Variants in TXLNB observed in about 807,000 individuals in gnomAD.
TXLNB encodes the protein taxilin beta.
A neutral mutation model predicts 57.4 loss-of-function variants in TXLNB; 37 were observed. That is an observed-to-expected ratio of 0.64 (90% CI 0.50 to 0.85). TXLNB has a LOEUF of 0.85. Among genes scored for constraint, TXLNB ranks in the 40% least tolerant of loss-of-function variants. The pLI is 0.00. For missense variants in TXLNB, 848 were observed against 825.6 expected, an observed-to-expected ratio of 1.03 and a Z score of -0.33; for synonymous variants, 302 against 309.6, an observed-to-expected ratio of 0.98 and a Z score of 0.26.
intron 6 of TXLNB, among the ~76,000 whole-genome samples, chr6:139,258,935 T>C (rs1230276498): frequency 7.9e-5 from 12 of 152,308 alleles, no homozygotes; most frequent in Non-Finnish European, 2.9e-5. Flanking sequence ...TACAGCTTTT[T>C]GGGGAGTGCT....
the TXLNB span, chr6:139,166,693 C>T: frequency 1.2e-6 from 2 of 1,612,850 alleles, no homozygotes; most frequent in East Asian, 2.2e-5. Context: ...AGTGCAGGCC[C>T]CCAAATAAGC....
chr6:139,281,769 C>T (rs1325296457), intron 2 of TXLNB, among the ~76,000 whole-genome samples: 2 of 113,188 alleles, frequency 1.8e-5, no homozygotes, highest in South Asian at 2.7e-4. Context: ...AGGATGGTCT[C>T]GATCTCCTGA....
intron 9 of TXLNB, among the ~76,000 whole-genome samples, chr6:139,243,999 C>A (rs905788633): frequency 2.0e-5 from 3 of 148,570 alleles, no homozygotes; most frequent in Non-Finnish European, 4.5e-5. Context: ...TTTTTTCCCC[C>A]ACTCGTTATA....
chr6:139,209,458 A>G, the TXLNB span, among the ~76,000 whole-genome samples: 1 of 152,194 alleles, frequency 6.6e-6, no homozygotes, highest in Admixed American at 6.5e-5. Context: ...TAAAATTCAT[A>G]TGGAACCAAA....
chr6:139,302,711 A>G, the TXLNB span, among the ~76,000 whole-genome samples: 1 of 151,880 alleles, frequency 6.6e-6, no homozygotes. Context: ...TGAACCCGGG[A>G]AGGAGGAGGT....
chr6:139,223,408 A>T, the TXLNB span, among the ~76,000 whole-genome samples: 4 of 152,160 alleles, frequency 2.6e-5, no homozygotes, highest in African/African-American at 9.6e-5. Flanking sequence ...ACAACAAATT[A>T]AGTATGAAGA....
chr6:139,192,370 T>A, the TXLNB span, among the ~76,000 whole-genome samples: 2 of 152,238 alleles, frequency 1.3e-5, no homozygotes, highest in Non-Finnish European at 2.9e-5. Context: ...CCACACTATT[T>A]AAATTGCAAC....
the TXLNB span, among the ~76,000 whole-genome samples, chr6:139,297,745 T>G: frequency 6.6e-6 from 1 of 152,218 alleles, no homozygotes; most frequent in Non-Finnish European, 1.5e-5. Flanking sequence ...ATTCCAATAA[T>G]TATGTGTTTA....
At chr6:139,179,080 C>CA in the TXLNB span, 1 of 152,146 alleles carries the variant, frequency 6.6e-6, no homozygotes, top group Non-Finnish European at 1.5e-5. Flanking sequence ...ATTGAACTGA[C>CA]AGTGTTTGAT....
rs548613567 is a variant in TXLNB at position 139,240,616 on chromosome 6, C to T, written c.*1910G>A. On this transcript the variant is annotated 3_prime_UTR_variant, in exon 10 of 10. Coordinates refer to ENST00000358430, the MANE Select transcript of TXLNB (RefSeq NM_153235.4). ...CTCTGAATCAAATGAATGTTTAAAT[C>T]TCTAAGACTTGCAGTAATGTTGAAT... The T allele has an allele frequency of 6.5e-6, 1 of 152,674 alleles. No homozygotes were observed. Among genetic ancestry groups the T allele is most frequent in the African/African-American group, 2.4e-5 (1 of 41,572 alleles). 9.5% of individuals were successfully genotyped at this position (152,674 alleles called of 1,614,324 possible).
chr6:139,276,829 C>G lies in TXLNB; in HGVS notation c.516+1G>C, dbSNP rs762142081. The G allele has an allele frequency of 3.7e-6, 6 of 1,604,656 alleles. No individual in the cohort carries two copies. Among genetic ancestry groups the G allele is most frequent in the Non-Finnish European group, 5.1e-6 (6 of 1,176,232 alleles). The stretch of plus-strand genomic sequence containing the variant: ...GAAAAGAAGCTAATCCAAGATCTTA[C>G]CAATTCAGCATACTTCTTGAATAAA... On this transcript the variant is annotated splice_donor_variant, in intron 3 of 9. Transcript: ENST00000358430. LOFTEE classifies it high-confidence loss of function.
the TXLNB span, among the ~76,000 whole-genome samples, chr6:139,164,080 A>ACACT: frequency 2.0e-4 from 30 of 148,174 alleles, no homozygotes; most frequent in South Asian, 4.3e-4. Context: ...ACACACACAC[A>ACACT]CTCTCTCTCT....
chr6:139,211,939 A>C, the TXLNB span, among the ~76,000 whole-genome samples: 9 of 152,318 alleles, frequency 5.9e-5, no homozygotes, highest in African/African-American at 2.2e-4. Flanking sequence ...AAAAAGAATA[A>C]AAAGAAATGA....
the TXLNB span, among the ~76,000 whole-genome samples, chr6:139,192,322 A>G: frequency 6.6e-6 from 1 of 152,216 alleles, no homozygotes; most frequent in Non-Finnish European, 1.5e-5. Context: ...CTTTAAAGCT[A>G]TTAATCAAAT....
At chr6:139,264,096 T>A (rs1487822216) in intron 4 of TXLNB, among the ~76,000 whole-genome samples, 2 of 152,226 alleles carry the variant, frequency 1.3e-5, no homozygotes, top group East Asian at 3.8e-4. Context: ...TATAAACCTT[T>A]ATTAAGCAAC....
At chr6:139,297,884 G>A in the TXLNB span, among the ~76,000 whole-genome samples, 2 of 152,138 alleles carry the variant, frequency 1.3e-5, no homozygotes, top group African/African-American at 4.8e-5. Flanking sequence ...TCTTGACCTA[G>A]GCTAGATCTG....
chr6:139,166,971 C>T, the TXLNB span: 1 of 1,614,190 alleles, frequency 6.2e-7, no homozygotes, highest in Non-Finnish European at 8.5e-7. Context: ...TTCAGAAATG[C>T]CCACTTTGAT....
At chr6:139,317,753 T>C in the TXLNB span, among the ~76,000 whole-genome samples, 1 of 152,092 alleles carries the variant, frequency 6.6e-6, no homozygotes, top group African/African-American at 2.4e-5. Context: ...ATATAAAATT[T>C]TGCCACAGAA....
chr6:139,239,871 TAC>T (rs146420602), downstream of TXLNB, among the ~76,000 whole-genome samples: 5,423 of 147,930 alleles, frequency 0.037, 180 homozygotes, highest in African/African-American at 0.1. The surrounding 1 kb of genome is among the most constrained non-coding windows in gnomAD (Gnocchi z 4.7). Flanking sequence ...GTCTGTCACA[TAC>T]ACACACACAC....
Sources: allele counts gnomAD v4.1 joint callset (sites outside exome capture counted in the v4.1 genomes callset), GRCh38; gene constraint gnomAD v4.1.1; non-coding constraint Gnocchi (gnomAD v3.1); transcripts MANE v1.5; gene names NCBI Gene and HGNC (gene_info 2026-07-23, HGNC 2026-07-21).